RALY: variants seen among roughly 807,000 people sequenced by gnomAD.
RALY encodes RALY heterogeneous nuclear ribonucleoprotein.
Under a neutral mutation model 30.7 loss-of-function variants are expected in RALY, and 15 were observed. That is an observed-to-expected ratio of 0.49 (90% CI 0.33 to 0.75). The LOEUF is 0.75. Among genes scored for constraint, RALY ranks in the 30% least tolerant of loss-of-function variants. The pLI, the probability that RALY is intolerant of heterozygous loss-of-function variation, is 0.02. For synonymous variants in RALY, 177 were observed against 170.8 expected (o/e 1.04, Z -0.28); for missense variants, 339 against 414.3 (o/e 0.82, Z 1.58).
intron 2 of RALY, among the ~76,000 whole-genome samples, chr20:34,041,564 G>C (rs1307605209): frequency 6.6e-6 from 1 of 152,122 alleles, no homozygotes; most frequent in African/African-American, 2.4e-5. Context: ...CTTTTTCTCA[G>C]CCTTCCTCTG....
In RALY at chr20:34,025,924, G is replaced by C. The variant is rs867168955; in HGVS notation, c.-92-5598G>C. ...GTTTTTTTTTTTTTTTTTTTTTTGT[G>C]GGGGGTGGGGATAAGGAAGGTTTTT... On this transcript the variant is annotated intron_variant, in intron 1 of 9. Coordinates refer to ENST00000246194, the MANE Select transcript of RALY (RefSeq NM_016732.3). 1.3e-4 allele frequency among the ~76,000 whole-genome samples: 10 copies of C among 74,964 alleles called. No individual in the cohort carries two copies. The East Asian group carries it at 3.1e-3, about 23-fold the overall frequency. 49.2% of individuals were successfully genotyped at this position (74,964 alleles called of 152,430 possible). A position where few individuals can be genotyped will look rare whatever the true frequency, so the allele number is the denominator to read the frequency against.
intron 1 of RALY, among the ~76,000 whole-genome samples, chr20:34,014,285 G>A (rs967901237): frequency 9.2e-5 from 14 of 152,154 alleles, no homozygotes; most frequent in Non-Finnish European, 1.9e-4. Flanking sequence ...TGGATTCAGG[G>A]AAATGGGATT....
chr20:34,067,194 T>C (rs1310337792), intron 2 of RALY, among the ~76,000 whole-genome samples: 2 of 152,144 alleles, frequency 1.3e-5, no homozygotes, highest in African/African-American at 4.8e-5. Flanking sequence ...TGGCCGTCCT[T>C]TTCTTTTTTT....
chr20:34,057,249 A>G (rs938843818), intron 2 of RALY, among the ~76,000 whole-genome samples: 8 of 152,206 alleles, frequency 5.3e-5, no homozygotes, highest in African/African-American at 1.7e-4. Flanking sequence ...AAATACATGA[A>G]CATGCTAACA....
intron 1 of RALY, among the ~76,000 whole-genome samples, chr20:34,006,117 C>T (rs757433943): frequency 6.1e-4 from 93 of 152,280 alleles, no homozygotes; most frequent in Admixed American, 9.2e-4. Context: ...AGGATTGAAA[C>T]CTAACCAATT....
chr20:34,077,607 G>C (rs2122330486), intron 8 of RALY: 1 of 361,924 alleles, frequency 2.8e-6, no homozygotes, highest in East Asian at 7.2e-5. Flanking sequence ...CAGGAGGTGG[G>C]TTTTTCTAAA....
intron 2 of RALY, among the ~76,000 whole-genome samples, chr20:34,034,016 C>T (rs1433421052): frequency 6.6e-6 from 1 of 152,168 alleles, no homozygotes; most frequent in African/African-American, 2.4e-5. Context: ...TTTGAGTGCA[C>T]TCATGAACCG....
At chr20:34,018,715 A>C (rs1261192170) in intron 1 of RALY, among the ~76,000 whole-genome samples, 1 of 152,066 alleles carries the variant, frequency 6.6e-6, no homozygotes, top group African/African-American at 2.4e-5. Flanking sequence ...TTAGTCTTCC[A>C]CCCCACAAAT....
chr20:34,052,479 T>C (rs1248737379), intron 2 of RALY, among the ~76,000 whole-genome samples: 2 of 152,210 alleles, frequency 1.3e-5, no homozygotes, highest in Non-Finnish European at 2.9e-5. Context: ...CCATAATTTG[T>C]ACTCCACTAT....
chr20:34,076,056 A>G lies in RALY; in HGVS notation c.544+16A>G, dbSNP rs554591904. 92 of 1,597,782 alleles carry G rather than the reference A, an allele frequency of 5.8e-5. No homozygotes were observed. The East Asian group carries it at 1.6e-3, about 27-fold the overall frequency. ...AAGATCAAGTGTGAGTGACTGTATC[A>G]TATTCCTAAGTAATTTGCATTTTTA... On this transcript the variant is annotated intron_variant, in intron 6 of 9. Coordinates refer to ENST00000246194, the MANE Select transcript of RALY (RefSeq NM_016732.3).
chr20:34,005,335 C>G (rs1445922272), intron 1 of RALY, among the ~76,000 whole-genome samples: 1 of 152,028 alleles, frequency 6.6e-6, no homozygotes, highest in African/African-American at 2.4e-5. Context: ...GTAGTGAAAC[C>G]CCGTCTCTAC....
chr20:34,060,524 G>T (rs2033385765), intron 2 of RALY, among the ~76,000 whole-genome samples: 2 of 152,176 alleles, frequency 1.3e-5, no homozygotes, highest in Admixed American at 1.3e-4. Flanking sequence ...ATGCTTACAT[G>T]AATTATTTTA....
intron 2 of RALY, among the ~76,000 whole-genome samples, chr20:34,065,801 C>T (rs1468449552): frequency 1.3e-5 from 2 of 152,178 alleles, no homozygotes; most frequent in African/African-American, 4.8e-5. Flanking sequence ...CTGCTGTGAC[C>T]CTCATCCCCA....
In RALY at chr20:34,078,560, G is replaced by A; in HGVS notation, c.*4+7G>A. ...GGGGCCTTGCAGTAAGCAGGTACAG[G>A]GGTCCTGTCCTGATGGGCAGAGGGT... is the stretch of plus-strand genomic sequence containing the variant. On this transcript the variant is annotated splice_region_variant and intron_variant, in intron 9 of 9. Coordinates refer to ENST00000246194, the MANE Select transcript of RALY (RefSeq NM_016732.3). 1.3e-6 allele frequency: 2 copies of A among 1,574,136 alleles called. No homozygotes were observed. Among genetic ancestry groups the A allele is most frequent in the Admixed American group, 1.8e-5 (1 of 54,258 alleles).
chr20:33,995,263 A>G (rs977916477), intron 1 of RALY, among the ~76,000 whole-genome samples: 1 of 152,176 alleles, frequency 6.6e-6, no homozygotes, highest in African/African-American at 2.4e-5. Flanking sequence ...TCCAGGTCTC[A>G]GACACAACTC....
intron 2 of RALY, among the ~76,000 whole-genome samples, chr20:34,054,001 G>A (rs1466494515): frequency 2.0e-5 from 3 of 152,134 alleles, no homozygotes; most frequent in African/African-American, 7.2e-5. Flanking sequence ...GCTCCCTGTA[G>A]TATACTGAAC....
intron 9 of RALY, among the ~76,000 whole-genome samples, chr20:34,078,774 CG>C (rs890325960): frequency 1.3e-5 from 2 of 152,154 alleles, no homozygotes; most frequent in African/African-American, 4.8e-5. Flanking sequence ...ATGGGCCAGG[CG>C]GGCCCACCTA....
chr20:34,020,021 A>G (rs1347163473), intron 1 of RALY, among the ~76,000 whole-genome samples: 2 of 152,086 alleles, frequency 1.3e-5, no homozygotes, highest in African/African-American at 2.4e-5. Flanking sequence ...AGATCCCGCC[A>G]CTGCATTCCA....
chr20:34,059,584 C>T (rs762750531), intron 2 of RALY, among the ~76,000 whole-genome samples: 7 of 152,202 alleles, frequency 4.6e-5, no homozygotes, highest in Non-Finnish European at 1.0e-4. Context: ...CTTTCCAGGT[C>T]ATACAGCTAG....
Sources: allele counts gnomAD v4.1 joint callset (sites outside exome capture counted in the v4.1 genomes callset), GRCh38; gene constraint gnomAD v4.1.1; transcripts MANE v1.5; gene names NCBI Gene and HGNC (gene_info 2026-07-23, HGNC 2026-07-21).